ABCC5: variants seen among roughly 807,000 people sequenced by gnomAD.
ABCC5 encodes ATP-binding cassette sub-family C member 5.
ABCC5 carries 61 observed loss-of-function variants against 160.9 expected under a neutral mutation model. That is an observed-to-expected ratio of 0.38 (90% CI 0.31 to 0.47). The LOEUF (loss-of-function observed/expected upper bound fraction) is 0.47, where lower values mean the gene tolerates loss of function less well. ABCC5 is among the 20% of genes least tolerant of loss of function. The probability of loss-of-function intolerance (pLI) is 0.99; values close to 1 mark genes in which losing one functional copy is unlikely to be tolerated. For missense variants in ABCC5, 1,308 were observed against 1,813.3 expected (o/e 0.72, Z 5.06); for synonymous variants, 666 against 700.6 (o/e 0.95, Z 0.78).
chr3:184,015,339 T>C (rs1169699806), intron 1 of ABCC5, among the ~76,000 whole-genome samples: 2 of 152,144 alleles, frequency 1.3e-5, no homozygotes, highest in Non-Finnish European at 2.9e-5. Flanking sequence ...CTCCAAAATG[T>C]TTCCCCCCTC....
At chr3:183,952,142 C>CACTT in intron 18 of ABCC5, 139 bp from the exon 19 acceptor site, 1 of 586,478 alleles carries the variant, frequency 1.7e-6, no homozygotes, top group African/African-American at 2.5e-5. Context: ...CTTTGTCCAC[C>CACTT]TCTTTTTTTT....
At position 183,961,494 on chromosome 3, in the gene ABCC5, A is replaced by T; in HGVS notation, c.2379+17T>A. On this transcript the variant is annotated intron_variant, in intron 16 of 29. Transcript: ENST00000334444. ...CAGAGACAGAAGGGGACACACGCAA[A>T]CACCATCAGATCTTACCTCAACTGG... The T allele has an allele frequency of 6.2e-7, 1 of 1,613,678 alleles. No individual in the cohort carries two copies. Among genetic ancestry groups the T allele is most frequent in the Non-Finnish European group, 8.5e-7 (1 of 1,179,712 alleles).
At chr3:183,969,261 T>G (rs2108831575) in intron 11 of ABCC5, among the ~76,000 whole-genome samples, 1 of 152,176 alleles carries the variant, frequency 6.6e-6, no homozygotes, top group East Asian at 1.9e-4. Context: ...AAGGGCAAAA[T>G]GAGGGTCAAC....
Position 183,982,331 on chromosome 3 carries a change from C to A in ABCC5, c.999+120G>T. On this transcript the variant is annotated intron_variant, in intron 7 of 29. Coordinates refer to ENST00000334444, the MANE Select transcript of ABCC5 (RefSeq NM_005688.4). This position sits in a 1 kb window ranked among gnomAD's most constrained non-coding sequence, Gnocchi z 5.2. ...AGCACTATCGAGCTCTAGATTGAAC[C>A]TGCTTTGAGGAAATTTCCAATCAGA... The A allele has an allele frequency of 8.4e-7, 1 of 1,184,230 alleles. No individual in the cohort carries two copies. The highest frequency in any genetic ancestry group is 1.2e-6 in the Non-Finnish European group (1 of 852,936). The allele number at this position is 1,184,230 out of a possible 1,614,324, so 73.4% of individuals were successfully genotyped here.
intron 5 of ABCC5, chr3:183,984,848 C>T: frequency 6.3e-7 from 1 of 1,587,914 alleles, no homozygotes; most frequent in Non-Finnish European, 8.5e-7. Flanking sequence ...GCAGTGAAGC[C>T]TGTTCCCACA....
At chr3:183,967,802 G>A in intron 11 of ABCC5, 36 bp from the exon 12 acceptor site, 1 of 1,516,316 alleles carries the variant, frequency 6.6e-7, no homozygotes, top group Middle Eastern at 1.7e-4. Context: ...GTCATTTAGA[G>A]ACTACTAACC....
intron 9 of ABCC5, 72 bp from the exon 10 acceptor site, chr3:183,977,696 T>G: frequency 1.9e-6 from 2 of 1,036,720 alleles, no homozygotes; most frequent in Non-Finnish European, 2.9e-6. Context: ...CACCATGAAT[T>G]TCCTCTCAGG....
chr3:183,939,149 T>C (rs1397093139), intron 25 of ABCC5, among the ~76,000 whole-genome samples: 2 of 152,224 alleles, frequency 1.3e-5, no homozygotes, highest in Non-Finnish European at 2.9e-5. Context: ...TAACACTGCA[T>C]TGGCCGGGCA....
At chr3:183,954,731 C>A (rs1344120360) in intron 17 of ABCC5, among the ~76,000 whole-genome samples, 1 of 152,154 alleles carries the variant, frequency 6.6e-6, no homozygotes, top group Non-Finnish European at 1.5e-5. Flanking sequence ...TGAGACGGGT[C>A]TCAATCAATT....
rs111248225 is a variant in ABCC5, at chr3:183,940,075, C to T, written c.3695-2015G>A. ...CACCCATAAGACTTGGAAGAAGTAA[C>T]GCCCAGGAAACTTGGAAAAAGCTGT... On this transcript the variant is annotated intron_variant, in intron 25 of 29. Transcript: ENST00000334444. Among the ~76,000 whole-genome samples the T allele has an allele frequency of 6.3e-3, 954 of 152,246 alleles. 10 individuals carry two copies. Among genetic ancestry groups the T allele is most frequent in the African/African-American group, 0.022 (904 of 41,542 alleles).
chr3:183,944,742 T>C (rs1714685993), intron 24 of ABCC5, among the ~76,000 whole-genome samples: 1 of 152,230 alleles, frequency 6.6e-6, no homozygotes, highest in Non-Finnish European at 1.5e-5. Flanking sequence ...TGCCATCTTT[T>C]TTTTTAAGCT....
At chr3:183,948,406 G>A (rs1342523698) in intron 22 of ABCC5, among the ~76,000 whole-genome samples, 1 of 151,954 alleles carries the variant, frequency 6.6e-6, no homozygotes, top group South Asian at 2.1e-4. Context: ...ACACATGTAC[G>A]TATTTAGTAC....
chr3:183,999,637 G>A (rs1720580597), intron 2 of ABCC5, among the ~76,000 whole-genome samples: 1 of 151,886 alleles, frequency 6.6e-6, no homozygotes. Context: ...AAAACTAGCC[G>A]GGCATGGTGG....
intron 2 of ABCC5, among the ~76,000 whole-genome samples, chr3:183,995,597 G>A (rs1036678684): frequency 3.3e-5 from 5 of 152,180 alleles, no homozygotes; most frequent in African/African-American, 1.2e-4. Context: ...GGCCATGCCT[G>A]TGTGAGTCTA....
intron 2 of ABCC5, among the ~76,000 whole-genome samples, chr3:183,992,370 T>C (rs969713622): frequency 3.9e-5 from 6 of 152,188 alleles, no homozygotes; most frequent in African/African-American, 1.4e-4. Flanking sequence ...AACAAGACTC[T>C]ATCTCTTTAA....
intron 10 of ABCC5, among the ~76,000 whole-genome samples, chr3:183,975,373 G>A (rs575019229): frequency 6.6e-6 from 1 of 151,770 alleles, no homozygotes; most frequent in Non-Finnish European, 1.5e-5. Flanking sequence ...ACAGAGTCTC[G>A]CTGTGTTGCC....
Position 183,921,303 on chromosome 3 carries a change from G to T in ABCC5, c.4311C>A (p.Gly1437=). The T allele has an allele frequency of 6.5e-7, 1 of 1,542,252 alleles. No homozygotes were observed. The highest frequency in any genetic ancestry group is 9.0e-7 in the Non-Finnish European group (1 of 1,116,280). ...AGACTTCGTCAACAGGGAGGAGTCA[G>T]CCCTTGACAGCGACCTTGTTCTCTG... is the stretch of plus-strand genomic sequence containing the variant. ...AAAENKVAVK[G] Residue 1437 remains glycine (G), a synonymous_variant, in exon 30 of 30, where the codon GGC becomes GGA. Coordinates refer to ENST00000334444, the MANE Select transcript of ABCC5 (RefSeq NM_005688.4). The surrounding 1 kb of genome is among the most constrained non-coding windows in gnomAD (Gnocchi z 4.1).
At chr3:183,970,729 G>A (rs1319911044) in intron 11 of ABCC5, among the ~76,000 whole-genome samples, 2 of 152,132 alleles carry the variant, frequency 1.3e-5, no homozygotes, top group African/African-American at 2.4e-5. Flanking sequence ...GAGCCACCAT[G>A]CCCAGCCTCT....
At position 183,949,401 on chromosome 3, in the gene ABCC5, G is replaced by A. The variant is rs1361824481; in HGVS notation, c.3227+352C>T. Among the ~76,000 whole-genome samples, 1 of 152,216 alleles carries A rather than the reference G, an allele frequency of 6.6e-6. No homozygotes were observed. Among genetic ancestry groups the A allele is most frequent in the Admixed American group, 6.5e-5 (1 of 15,286 alleles). ...GCCAAGGCCAATAGACTCCTAATCT[G>A]TGGGGTTTGTTCCTTGTATTTTGTT... On this transcript the variant is annotated intron_variant, in intron 22 of 29. Transcript: ENST00000334444. The surrounding 1 kb of genome is among the most constrained non-coding windows in gnomAD (Gnocchi z 4.2).
Sources: allele counts gnomAD v4.1 joint callset (sites outside exome capture counted in the v4.1 genomes callset), GRCh38; gene constraint gnomAD v4.1.1; non-coding constraint Gnocchi (gnomAD v3.1); transcripts MANE v1.5; gene names NCBI Gene and HGNC (gene_info 2026-07-23, HGNC 2026-07-21).